Variants in UGT1A7 observed in about 807,000 individuals in gnomAD.
The protein encoded by UGT1A7 is UDP glucuronosyltransferase family 1 member A7, also known as UDP-glucuronosyltransferase 1A7.
A neutral mutation model predicts 45.6 loss-of-function variants in UGT1A7; 33 were observed. The observed-to-expected ratio is 0.72, with a 90% CI of 0.55 to 0.97. The LOEUF (loss-of-function observed/expected upper bound fraction) is 0.97. Among genes scored for constraint, UGT1A7 ranks in the 50% least tolerant of loss-of-function variants. The pLI, the probability that UGT1A7 is intolerant of heterozygous loss-of-function variation, is 0.00. For missense variants in UGT1A7, 684 were observed against 666.2 expected, an observed-to-expected ratio of 1.03 and a Z score of -0.29; for synonymous variants, 274 against 250.6, an observed-to-expected ratio of 1.09 and a Z score of -0.88.
At chr2:233,757,996 G>A (rs1283053309) in intron 1 of UGT1A7, among the ~76,000 whole-genome samples, 1 of 152,032 alleles carries the variant, frequency 6.6e-6, no homozygotes, top group East Asian at 1.9e-4. Flanking sequence ...CCCTGTAATT[G>A]CCTGGTCATG....
intron 1 of UGT1A7, chr2:233,747,720 G>C: frequency 6.2e-7 from 1 of 1,613,342 alleles, no homozygotes; most frequent in African/African-American, 1.3e-5. Flanking sequence ...AATTCCTGCT[G>C]TGTTTTTTTT....
chr2:233,700,200 C>T (rs536446307), intron 1 of UGT1A7, among the ~76,000 whole-genome samples: 2 of 152,322 alleles, frequency 1.3e-5, no homozygotes, highest in Non-Finnish European at 2.9e-5. Context: ...CCTTTGTTGG[C>T]TGAGCTGTGG....
chr2:233,758,419 A>C (rs1696871413), intron 1 of UGT1A7, among the ~76,000 whole-genome samples: 1 of 152,240 alleles, frequency 6.6e-6, no homozygotes, highest in Non-Finnish European at 1.5e-5. Context: ...TATAATCTGC[A>C]AATGAACTCA....
At chr2:233,770,243 A>G (rs1307269506) in intron 4 of UGT1A7, 1 of 152,248 alleles carries the variant, frequency 6.6e-6, no homozygotes, top group African/African-American at 2.4e-5. Context: ...CCATGATTCC[A>G]ACACTCTGAG....
intron 1 of UGT1A7, chr2:233,693,065 T>TG: frequency 1.2e-6 from 2 of 1,614,144 alleles, no homozygotes; most frequent in East Asian, 4.5e-5. Context: ...CTTAGCACTT[T>TG]GGGGCATGGT....
chr2:233,728,611 G>C (rs1206625269), intron 1 of UGT1A7, among the ~76,000 whole-genome samples: 1 of 152,228 alleles, frequency 6.6e-6, no homozygotes, highest in Non-Finnish European at 1.5e-5. Context: ...CCTCCACGCT[G>C]TTCAGAGAAA....
intron 1 of UGT1A7, chr2:233,719,437 C>T (rs1189079913): frequency 6.2e-7 from 1 of 1,613,870 alleles, no homozygotes; most frequent in East Asian, 2.2e-5. Context: ...GACCACATGA[C>T]ATTCCTGCAA....
rs750764093 is a variant in UGT1A7, at chr2:233,682,056, C to G, written c.119C>G (p.Thr40Ser). 3.1e-6 allele frequency: 5 copies of G among 1,613,984 alleles called. No individual in the cohort carries two copies. The African/African-American group carries it at 5.3e-5, about 17-fold the overall frequency. ...CCCATGGATGGGAGCCACTGGTTCACCATGCAGTCGGTGGTGGAGAAACTC... is the reference window on the plus strand; with the variant it reads ...CCCATGGATGGGAGCCACTGGTTCAGCATGCAGTCGGTGGTGGAGAAACTC... ...VVPMDGSHWF[T>S]MQSVVEKLIL... is the part of the protein sequence containing the mutation. Residue 40 changes from threonine to serine, a missense_variant, in exon 1 of 5, where the codon ACC (threonine) becomes AGC (serine). Thr to Ser is a moderately conservative substitution (Grantham distance 58, BLOSUM62 1). Transcript: ENST00000373426.
intron 1 of UGT1A7, among the ~76,000 whole-genome samples, chr2:233,704,562 T>C (rs1206655848): frequency 6.6e-6 from 1 of 152,186 alleles, no homozygotes; most frequent in Admixed American, 6.5e-5. Flanking sequence ...TTTATATAAA[T>C]ACACATGCTT....
At position 233,718,851 on chromosome 2, in the gene UGT1A7, C is replaced by T. The variant is rs3892221; in HGVS notation, c.855+36059C>T. ...CAGAGGACTCCAGGTTCCCCTGCCGCGGCTGGCCACAGGACTGCTGCTCCT... is the reference window on the plus strand; with the variant it reads ...CAGAGGACTCCAGGTTCCCCTGCCGTGGCTGGCCACAGGACTGCTGCTCCT... On this transcript the variant is annotated intron_variant, in intron 1 of 4. Coordinates refer to ENST00000373426, the MANE Select transcript of UGT1A7 (RefSeq NM_019077.3). 4,964 of 1,613,706 alleles carry T rather than the reference C, an allele frequency of 3.1e-3. 102 individuals carry two copies. The African/African-American group carries it at 0.045, about 15-fold the overall frequency.
rs930932436 is a variant in UGT1A7 at position 233,769,919 on chromosome 2, G to A, written c.1295+1480G>A. The A allele has an allele frequency of 1.0e-5, 3 of 286,172 alleles. No individual in the cohort carries two copies. Among genetic ancestry groups the A allele is most frequent in the Non-Finnish European group, 1.3e-5 (2 of 153,080 alleles). 17.7% of individuals were successfully genotyped at this position (286,172 alleles called of 1,614,324 possible). A position where few individuals can be genotyped will look rare whatever the true frequency, so the allele number is the denominator to read the frequency against. Reference sequence around the variant, plus strand: ...GAGCATCATGTGCCCAGAGCGTTGGGTGGTGTGGTCCCATTCCTTCCTTCC... The same window carrying A: ...GAGCATCATGTGCCCAGAGCGTTGGATGGTGTGGTCCCATTCCTTCCTTCC... On this transcript the variant is annotated intron_variant, in intron 4 of 4. Coordinates refer to ENST00000373426, the MANE Select transcript of UGT1A7 (RefSeq NM_019077.3). This position sits in a 1 kb window ranked among gnomAD's most constrained non-coding sequence, Gnocchi z 4.4.
At chr2:233,724,647 T>C (rs1247687172) in intron 1 of UGT1A7, among the ~76,000 whole-genome samples, 4 of 137,372 alleles carry the variant, frequency 2.9e-5, no homozygotes, top group African/African-American at 1.1e-4. Context: ...TGATGGCGGC[T>C]GGGAAGAGGC....
chr2:233,765,069 C>A (rs1391556696), intron 1 of UGT1A7, among the ~76,000 whole-genome samples: 2 of 152,082 alleles, frequency 1.3e-5, no homozygotes, highest in Non-Finnish European at 2.9e-5. Context: ...CAGAGGTCTC[C>A]TGTGTCTCAC....
Position 233,734,700 on chromosome 2 carries a change from T to TTG in UGT1A7, c.856-32334_856-32333insTG, listed in dbSNP as rs1319489997. Among the ~76,000 whole-genome samples the TTG allele has an allele frequency of 9.9e-3, 1,501 of 152,266 alleles. 21 individuals carry two copies. Among genetic ancestry groups the TTG allele is most frequent in the African/African-American group, 0.034 (1,432 of 41,556 alleles). ...ACTGATTTAAATGTGTCCCAGAGATTCTGGTATGTTGTGTCTTTGTTCTCG... is the reference window on the plus strand; with the variant it reads ...ACTGATTTAAATGTGTCCCAGAGATTTGCTGGTATGTTGTGTCTTTGTTCTCG... On this transcript the variant is annotated intron_variant, in intron 1 of 4. Coordinates refer to ENST00000373426, the MANE Select transcript of UGT1A7 (RefSeq NM_019077.3).
intron 1 of UGT1A7, among the ~76,000 whole-genome samples, chr2:233,732,114 C>A (rs1362758962): frequency 6.7e-6 from 1 of 148,542 alleles, no homozygotes; most frequent in Non-Finnish European, 1.5e-5. Flanking sequence ...TATCCTTTGC[C>A]CACTTTTTGA....
At chr2:233,758,073 C>T (rs1352690348) in intron 1 of UGT1A7, among the ~76,000 whole-genome samples, 1 of 152,154 alleles carries the variant, frequency 6.6e-6, no homozygotes, top group East Asian at 1.9e-4. Context: ...CTTTCTGGGC[C>T]TAGTTCCTAG....
intron 1 of UGT1A7, among the ~76,000 whole-genome samples, chr2:233,742,157 G>GAC (rs1409111840): frequency 6.6e-6 from 1 of 151,878 alleles, no homozygotes; most frequent in Non-Finnish European, 1.5e-5. Context: ...ACGAATTAAA[G>GAC]ACACACACAC....
Position 233,769,243 on chromosome 2 carries a change from CA to C in UGT1A7, c.1295+807del. Among the ~76,000 whole-genome samples the C allele has an allele frequency of 6.6e-6, 1 of 152,264 alleles. No homozygotes were observed. The highest frequency in any genetic ancestry group is 1.9e-4 in the East Asian group (1 of 5,180). ...GAATAAGAGCAAAGGAAAATTTGCT[CA>C]AATGTGGCCCTGAAAACGATTCAAA... On this transcript the variant is annotated intron_variant, in intron 4 of 4. Coordinates refer to ENST00000373426, the MANE Select transcript of UGT1A7 (RefSeq NM_019077.3). The surrounding 1 kb of genome is among the most constrained non-coding windows in gnomAD (Gnocchi z 4.4).
At position 233,682,276 on chromosome 2, in the gene UGT1A7, C is replaced by T. The variant is rs149528133; in HGVS notation, c.339C>T (p.Ser113=). ...CATTTTCTCTATTAACAAGTTCATC[C>T]AATGGTATTTTTGACTTATTTTTTT... ...RSAFSLLTSS[S]NGIFDLFFSN... is the part of the protein sequence containing the mutation. The change falls in exon 1 of 5, where the codon TCC becomes TCT. Residue 113 remains serine, a synonymous_variant. Transcript: ENST00000373426. 6.4e-5 allele frequency: 104 copies of T among 1,614,166 alleles called. No homozygotes were observed. The African/African-American group carries it at 1.1e-3, about 17-fold the overall frequency.
Sources: gnomAD v4.1 joint callset for allele counts (sites outside exome capture counted in the v4.1 genomes callset) on GRCh38, gnomAD v4.1.1 for gene constraint, Gnocchi (gnomAD v3.1) non-coding constraint, MANE v1.5 for transcripts, NCBI Gene and HGNC (gene_info 2026-07-23, HGNC 2026-07-21) for gene names.